Variants in NKAIN2 observed in about 807,000 individuals in gnomAD.
NKAIN2 encodes sodium/potassium-transporting ATPase subunit beta-1-interacting protein 2.
In NKAIN2, 14 loss-of-function variants were observed where a neutral mutation model predicts 32.6. That is an observed-to-expected ratio of 0.43 (90% confidence interval 0.28 to 0.67). The LOEUF (loss-of-function observed/expected upper bound fraction) is 0.67, where lower values mean the gene tolerates loss of function less well. Ranked by LOEUF, NKAIN2 falls within the 30% of genes least tolerant of loss-of-function variation. The probability of loss-of-function intolerance (pLI) is 0.17; values close to 1 mark genes in which losing one functional copy is unlikely to be tolerated. For synonymous variants in NKAIN2, 80 were observed against 87.2 expected (o/e 0.92, Z 0.46); for missense variants, 198 against 258.3 (o/e 0.77, Z 1.60).
chr6:124,579,351 C>A (rs898118476), intron 3 of NKAIN2, among the ~76,000 whole-genome samples: 4 of 152,142 alleles, frequency 2.6e-5, no homozygotes, highest in Admixed American at 6.5e-5. Context: ...CAGTGAAATG[C>A]AAGATAACAC....
Position 124,797,140 on chromosome 6 carries a change from C to T in NKAIN2, c.535+5741C>T, listed in dbSNP as rs528637582. 1.5e-4 allele frequency among the ~76,000 whole-genome samples: 21 copies of T among 139,394 alleles called. No individual in the cohort carries two copies. In the South Asian group the frequency reaches 3.3e-3, roughly 22 times the overall value. 91.4% of individuals were successfully genotyped at this position (139,394 alleles called of 152,430 possible). On this transcript the variant is annotated intron_variant, in intron 5 of 6. Transcript: ENST00000368417. ...TGGCAATTAAAAGGAAGCCATGCAG[C>T]CACAGAAAATATTGCTAATCCATGT...
intron 3 of NKAIN2, among the ~76,000 whole-genome samples, chr6:124,582,231 A>C (rs1243458531): frequency 1.3e-5 from 2 of 152,188 alleles, no homozygotes; most frequent in Non-Finnish European, 2.9e-5. Flanking sequence ...GGAGATCATT[A>C]GTAGCTCATT....
chr6:123,935,563 G>C (rs1178224279), intron 1 of NKAIN2, among the ~76,000 whole-genome samples: 1 of 151,726 alleles, frequency 6.6e-6, no homozygotes, highest in Non-Finnish European at 1.5e-5. Flanking sequence ...TTTGATTAAG[G>C]CTTAGTGCTA....
chr6:124,228,011 CT>C (rs1271285810), intron 1 of NKAIN2, among the ~76,000 whole-genome samples: 3 of 152,140 alleles, frequency 2.0e-5, no homozygotes, highest in Admixed American at 6.6e-5. Flanking sequence ...TAAAGTAACA[CT>C]TTCTTGCTAT....
intron 3 of NKAIN2, among the ~76,000 whole-genome samples, chr6:124,620,269 T>A (rs904514654): frequency 1.3e-5 from 2 of 152,214 alleles, no homozygotes; most frequent in Non-Finnish European, 2.9e-5. Context: ...TACAGGGTAA[T>A]CTTATTTTTC....
At chr6:124,426,577 T>C (rs1242238956) in intron 3 of NKAIN2, among the ~76,000 whole-genome samples, 1 of 152,166 alleles carries the variant, frequency 6.6e-6, no homozygotes, top group Non-Finnish European at 1.5e-5. Flanking sequence ...GAATTAGTCA[T>C]TAAGAAAGTG....
intron 1 of NKAIN2, among the ~76,000 whole-genome samples, chr6:124,222,416 A>C (rs1287453489): frequency 6.6e-6 from 1 of 152,198 alleles, no homozygotes; most frequent in Non-Finnish European, 1.5e-5. Flanking sequence ...AATTAATGCT[A>C]AAGAAAAGTA....
intron 4 of NKAIN2, among the ~76,000 whole-genome samples, chr6:124,724,921 G>T (rs567322576): frequency 6.6e-6 from 1 of 152,216 alleles, no homozygotes; most frequent in South Asian, 2.1e-4. Flanking sequence ...CTAGTTCCAA[G>T]TTGAGTTGAT....
chr6:124,555,755 CA>C (rs1780451816), intron 3 of NKAIN2, among the ~76,000 whole-genome samples: 1 of 152,164 alleles, frequency 6.6e-6, no homozygotes, highest in South Asian at 2.1e-4. Context: ...ATTACACTTG[CA>C]TTATCAAGAT....
chr6:124,164,792 C>A (rs1788453757), intron 1 of NKAIN2, among the ~76,000 whole-genome samples: 1 of 151,936 alleles, frequency 6.6e-6, no homozygotes, highest in South Asian at 2.1e-4. Flanking sequence ...TGGATCGCCA[C>A]AAAACCAGAA....
intron 3 of NKAIN2, among the ~76,000 whole-genome samples, chr6:124,373,383 A>G (rs1413403129): frequency 6.6e-6 from 1 of 152,084 alleles, no homozygotes; most frequent in Admixed American, 6.6e-5. Context: ...CTATTTTGTC[A>G]ACATCAAGTC....
chr6:124,504,900 A>C (rs1778417614), intron 3 of NKAIN2, among the ~76,000 whole-genome samples: 1 of 152,216 alleles, frequency 6.6e-6, no homozygotes. Flanking sequence ...TACTCTGGGA[A>C]ACCAGATATT....
At chr6:124,230,688 G>A (rs1319306834) in intron 1 of NKAIN2, among the ~76,000 whole-genome samples, 1 of 152,194 alleles carries the variant, frequency 6.6e-6, no homozygotes, top group African/African-American at 2.4e-5. Flanking sequence ...GAGGGTGGAA[G>A]CCCCAGTCCT....
intron 4 of NKAIN2, among the ~76,000 whole-genome samples, chr6:124,702,902 T>C (rs1384213212): frequency 6.6e-6 from 1 of 152,130 alleles, no homozygotes; most frequent in African/African-American, 2.4e-5. Context: ...CTTAAATATA[T>C]GGTTTCATAA....
intron 1 of NKAIN2, among the ~76,000 whole-genome samples, chr6:123,935,339 C>G (rs149551638): frequency 1.2e-3 from 188 of 151,564 alleles, no homozygotes; most frequent in African/African-American, 4.4e-3. Context: ...TCTGTCATGA[C>G]TGTCAAAGCC....
At chr6:124,300,408 C>G (rs1317240901) in intron 2 of NKAIN2, among the ~76,000 whole-genome samples, 1 of 152,124 alleles carries the variant, frequency 6.6e-6, no homozygotes, top group Admixed American at 6.5e-5. Context: ...TAAACCTCTT[C>G]CCAGTATTAA....
At chr6:124,759,653 A>C (rs964516254) in intron 4 of NKAIN2, among the ~76,000 whole-genome samples, 7 of 66,140 alleles carry the variant, frequency 1.1e-4, no homozygotes, top group African/African-American at 9.7e-5. Context: ...ACACACACAC[A>C]CACCCCCTAT....
At chr6:124,222,424 G>A (rs928103729) in intron 1 of NKAIN2, among the ~76,000 whole-genome samples, 1 of 152,122 alleles carries the variant, frequency 6.6e-6, no homozygotes, top group African/African-American at 2.4e-5. Context: ...CTAAAGAAAA[G>A]TAAAACAGTA....
chr6:123,917,876 G>T (rs990039834), intron 1 of NKAIN2, among the ~76,000 whole-genome samples: 1 of 152,104 alleles, frequency 6.6e-6, no homozygotes, highest in African/African-American at 2.4e-5. Context: ...AACTGCAGTG[G>T]TTTGTGGAGC....
Sources: allele counts gnomAD v4.1 joint callset (sites outside exome capture counted in the v4.1 genomes callset), GRCh38; gene constraint gnomAD v4.1.1; transcripts MANE v1.5; gene names NCBI Gene and HGNC (gene_info 2026-07-23, HGNC 2026-07-21).